GNB1: variants seen among roughly 807,000 people sequenced by gnomAD.
GNB1 encodes the protein guanine nucleotide-binding protein G(I)/G(S)/G(T) subunit beta-1.
In GNB1, 2 loss-of-function variants were observed where a neutral mutation model predicts 42.9. That is an observed-to-expected ratio of 0.05 (90% confidence interval 0.02 to 0.15). GNB1 has a LOEUF of 0.15. Among genes scored for constraint, GNB1 ranks in the 10% least tolerant of loss-of-function variants. GNB1 has a pLI of 1.00. For synonymous variants in GNB1, 183 were observed against 174.7 expected (o/e 1.05, Z -0.38); for missense variants, 193 against 462.2 (o/e 0.42, Z 5.34).
rs565211074 is a variant in GNB1, at chr1:1,813,734, G to A, written c.203+2022C>T. ...TTGAACTCCTGGGCTCAAGCCATTC[G>A]CCTGCCTTGGCCTCCCAAAGTGCTG... is the stretch of plus-strand genomic sequence containing the variant. On this transcript the variant is annotated intron_variant, in intron 5 of 11. Transcript: ENST00000378609. Among the ~76,000 whole-genome samples, 4 of 152,260 alleles carry A rather than the reference G, an allele frequency of 2.6e-5. No individual in the cohort carries two copies. The Middle Eastern group carries it at 0.01, about 388-fold the overall frequency.
chr1:1,799,799 A>G lies in GNB1; in HGVS notation c.430+4620T>C, dbSNP rs140877279. The stretch of plus-strand genomic sequence containing the variant: ...CAACCCCAGGGCTACAGCCTCACAC[A>G]CAAGACCTGTGGCCAAGGTCTTCAA... On this transcript the variant is annotated intron_variant, in intron 7 of 11. Transcript: ENST00000378609. 3.6e-3 allele frequency among the ~76,000 whole-genome samples: 551 copies of G among 152,324 alleles called. 6 individuals carry two copies. Among genetic ancestry groups the G allele is most frequent in the African/African-American group, 0.012 (514 of 41,572 alleles).
chr1:1,880,066 G>T (rs1467035699), intron 1 of GNB1, among the ~76,000 whole-genome samples: 3 of 151,882 alleles, frequency 2.0e-5, no homozygotes. Flanking sequence ...CCAGTAGATG[G>T]GACCACAGGC....
In GNB1 at chr1:1,785,696, G is replaced by A; in HGVS notation, c.*1367C>T. On this transcript the variant is annotated 3_prime_UTR_variant, in exon 12 of 12. Transcript: ENST00000378609. ...GATGGGAATGAGCCACCTCAGATGT[G>A]GAGGGCCCTGAAGAATCCATATAGG... 1 of 306,318 alleles carries A rather than the reference G, an allele frequency of 3.3e-6. No individual in the cohort carries two copies. Among genetic ancestry groups the A allele is most frequent in the East Asian group, 4.9e-5 (1 of 20,272 alleles). 19.0% of individuals were successfully genotyped at this position (306,318 alleles called of 1,614,324 possible).
rs547915209 is a variant in GNB1 at position 1,870,107 on chromosome 1, C to T, written c.-96+20713G>A. ...ATCTCTTGACCTCAAGTGATCTGCC[C>T]GCCATGGCCTCCCAAAGTGCTAGGA... On this transcript the variant is annotated intron_variant, in intron 1 of 11. Coordinates refer to ENST00000378609, the MANE Select transcript of GNB1 (RefSeq NM_002074.5). 7.2e-5 allele frequency among the ~76,000 whole-genome samples: 11 copies of T among 152,270 alleles called. No individual in the cohort carries two copies. The East Asian group carries it at 1.9e-3, about 27-fold the overall frequency.
In GNB1 at chr1:1,810,678, G is replaced by GT. The variant is rs575181803; in HGVS notation, c.204-4141dup. On this transcript the variant is annotated intron_variant, in intron 5 of 11. Transcript: ENST00000378609. ...TTGCATGTAGTTTTCTTTTTTGTTT[G>GT]TTTTTTTGAGACAGAGTCTCACTCT... is the stretch of plus-strand genomic sequence containing the variant. Among the ~76,000 whole-genome samples, 7 of 150,830 alleles carry GT rather than the reference G, an allele frequency of 4.6e-5. No individual in the cohort carries two copies. The South Asian group carries it at 1.5e-3, about 32-fold the overall frequency.
rs1469533214 is a variant in GNB1 at position 1,791,194 on chromosome 1, C to T, written c.498-598G>A. Among the ~76,000 whole-genome samples the T allele has an allele frequency of 2.0e-5, 3 of 148,586 alleles. No homozygotes were observed. The East Asian group carries it at 5.9e-4, about 29-fold the overall frequency. ...GGTATTTTTTTTTTTTTTTTGAGACCGAATTTCACTCTTGTTGCCCAGGCT... is the reference window on the plus strand; with the variant it reads ...GGTATTTTTTTTTTTTTTTTGAGACTGAATTTCACTCTTGTTGCCCAGGCT... On this transcript the variant is annotated intron_variant, in intron 8 of 11. Coordinates refer to ENST00000378609, the MANE Select transcript of GNB1 (RefSeq NM_002074.5).
intron 1 of GNB1, among the ~76,000 whole-genome samples, chr1:1,842,538 T>C (rs1570700560): frequency 6.6e-6 from 1 of 151,558 alleles, no homozygotes; most frequent in East Asian, 1.9e-4. Flanking sequence ...GCCACATATA[T>C]ACAACCCCAT....
At chr1:1,800,771 A>AG (rs1491252590) in intron 7 of GNB1, among the ~76,000 whole-genome samples, 1 of 151,126 alleles carries the variant, frequency 6.6e-6, no homozygotes, top group Non-Finnish European at 1.5e-5. Context: ...AAAAAAAAAA[A>AG]GAAAAATAAA....
chr1:1,833,737 T>C (rs1647107480), intron 2 of GNB1, among the ~76,000 whole-genome samples: 2 of 152,216 alleles, frequency 1.3e-5, no homozygotes, highest in South Asian at 4.1e-4. Flanking sequence ...ATGACCTTGC[T>C]AATGGGCCAA....
At chr1:1,819,023 T>C (rs571541668) in intron 3 of GNB1, among the ~76,000 whole-genome samples, 8 of 152,220 alleles carry the variant, frequency 5.3e-5, no homozygotes, top group Admixed American at 2.0e-4. Context: ...CGGCTGCAGG[T>C]AGGCACTGTG....
Position 1,813,221 on chromosome 1 carries a change from C to T in GNB1, c.203+2535G>A, listed in dbSNP as rs181789393. ...GTGCAATTTCGGCTCACAGTAACCT[C>T]CACGTGCCTCAGCCTTCCAAGTAGC... On this transcript the variant is annotated intron_variant, in intron 5 of 11. Coordinates refer to ENST00000378609, the MANE Select transcript of GNB1 (RefSeq NM_002074.5). Among the ~76,000 whole-genome samples, 28 of 151,774 alleles carry T rather than the reference C, an allele frequency of 1.8e-4. No individual in the cohort carries two copies. In the East Asian group the frequency reaches 5.2e-3, roughly 28 times the overall value.
intron 1 of GNB1, among the ~76,000 whole-genome samples, chr1:1,878,755 G>A (rs1188438684): frequency 2.6e-5 from 4 of 152,084 alleles, no homozygotes; most frequent in African/African-American, 7.2e-5. Context: ...TCCCCTTTAT[G>A]GGCGCTGCCC....
intron 1 of GNB1, among the ~76,000 whole-genome samples, chr1:1,867,506 T>C (rs1032200787): frequency 6.6e-6 from 1 of 151,986 alleles, no homozygotes; most frequent in African/African-American, 2.4e-5. Context: ...TAGCTAGGAG[T>C]TTTTGAGCAT....
intron 1 of GNB1, among the ~76,000 whole-genome samples, chr1:1,875,950 C>G (rs1649522759): frequency 6.6e-6 from 1 of 152,098 alleles, no homozygotes; most frequent in African/African-American, 2.4e-5. Flanking sequence ...ATTAGGGTGG[C>G]CCTAATCTAA....
At chr1:1,793,339 G>A (rs1646505592) in intron 7 of GNB1, 28 bp from the exon 8 acceptor site, 2 of 1,539,842 alleles carry the variant, frequency 1.3e-6, no homozygotes, top group Non-Finnish European at 1.8e-6. Context: ...TAAGTGATGA[G>A]CTGAATCCAG....
intron 1 of GNB1, chr1:1,890,515 G>A (rs1570773945): frequency 2.8e-5 from 4 of 144,882 alleles, no homozygotes; most frequent in Admixed American, 2.0e-4. Context: ...CCGGGGCCCC[G>A]GCCGCCGCCA....
chr1:1,880,011 A>G (rs1283803881), intron 1 of GNB1, among the ~76,000 whole-genome samples: 4 of 152,056 alleles, frequency 2.6e-5, no homozygotes, highest in African/African-American at 7.2e-5. Flanking sequence ...AGCTCACTGC[A>G]ATCTCAACCT....
At chr1:1,859,694 T>TG (rs1648510588) in intron 1 of GNB1, among the ~76,000 whole-genome samples, 4 of 22,230 alleles carry the variant, frequency 1.8e-4, no homozygotes, top group Admixed American at 6.1e-4. Context: ...AGAAGTGGGG[T>TG]GGGGGAGAGG....
At position 1,787,567 on chromosome 1, in the gene GNB1, G is replaced by T; in HGVS notation, c.917-130C>A. 1.7e-6 allele frequency: 1 copy of T among 579,740 alleles called. No homozygotes were observed. The highest frequency in any genetic ancestry group is 3.0e-6 in the Non-Finnish European group (1 of 329,290). 35.9% of individuals were successfully genotyped at this position (579,740 alleles called of 1,614,324 possible). A position where few individuals can be genotyped will look rare whatever the true frequency, so the allele number is the denominator to read the frequency against. On this transcript the variant is annotated intron_variant, in intron 10 of 11. Transcript: ENST00000378609. The surrounding 1 kb of genome is among the most constrained non-coding windows in gnomAD (Gnocchi z 4.4). The stretch of plus-strand genomic sequence containing the variant: ...ACCCAGAGTCTCCCACGGCCAGGAA[G>T]GGAGGGAAAGTTGCATCCACGTGGG...
Sources: gnomAD v4.1 joint callset for allele counts (sites outside exome capture counted in the v4.1 genomes callset) on GRCh38, gnomAD v4.1.1 for gene constraint, Gnocchi (gnomAD v3.1) non-coding constraint, MANE v1.5 for transcripts, NCBI Gene and HGNC (gene_info 2026-07-23, HGNC 2026-07-21) for gene names.